The following SOX6 variants were observed in gnomAD, a reference collection of about 807,000 sequenced individuals.
SOX6 encodes the protein transcription factor SOX-6.
A neutral mutation model predicts 97.8 loss-of-function variants in SOX6; 11 were observed. The observed-to-expected ratio is 0.11, with a 90% CI of 0.07 to 0.19. The LOEUF is 0.19. SOX6 is among the 10% of genes least tolerant of loss of function. The probability of loss-of-function intolerance (pLI) is 1.00; values close to 1 mark genes in which losing one functional copy is unlikely to be tolerated. For synonymous variants in SOX6, 360 were observed against 371.4 expected, an observed-to-expected ratio of 0.97 and a Z score of 0.35; for missense variants, 810 against 1,039.5, an observed-to-expected ratio of 0.78 and a Z score of 3.04.
intron 1 of SOX6, among the ~76,000 whole-genome samples, chr11:16,415,557 G>A (rs1026700836): frequency 6.6e-6 from 1 of 152,032 alleles, no homozygotes; most frequent in African/African-American, 2.4e-5. Flanking sequence ...AAGACAGCAT[G>A]ATTTTGAATG....
Position 16,234,656 on chromosome 11 carries a change from T to G in SOX6, c.461A>C (p.Glu154Ala), listed in dbSNP as rs745796442. 2 of 1,584,666 alleles carry G rather than the reference T, an allele frequency of 1.3e-6. No homozygotes were observed. Among genetic ancestry groups the G allele is most frequent in the South Asian group, 1.1e-5 (1 of 88,962 alleles). The change falls in exon 4 of 16, where the codon GAA becomes GCA. Residue 154 changes from glutamate to alanine, a missense_variant. Around this residue, in one of 9 missense-constraint regions of SOX6, gnomAD observed 110 missense variants for 119.0 expected, o/e 0.92. Coordinates refer to ENST00000683767, the MANE Select transcript of SOX6 (RefSeq NM_001367873.1). The stretch of plus-strand genomic sequence containing the variant: ...CTTCCAATCTTTTGAAAGTAGTTTT[T>G]CCATGCAGGAGGAATCTATTAAAAT... ...RTEQEDSSCM[E>A]KLLSKDWKEK...
intron 9 of SOX6, among the ~76,000 whole-genome samples, chr11:16,063,460 G>A (rs1172654647): frequency 7.6e-6 from 1 of 131,324 alleles, no homozygotes; most frequent in African/African-American, 2.8e-5. Context: ...AAATTATAAT[G>A]GGTGGTGTCA....
At chr11:16,286,669 A>G (rs1341711687) in intron 3 of SOX6, among the ~76,000 whole-genome samples, 2 of 152,078 alleles carry the variant, frequency 1.3e-5, no homozygotes, top group African/African-American at 4.8e-5. Context: ...TGCTTTTACC[A>G]TTCTCTTCTA....
At chr11:16,560,359 G>A (rs1328970567) in intron 4 of SOX6, among the ~76,000 whole-genome samples, 3 of 152,102 alleles carry the variant, frequency 2.0e-5, no homozygotes, top group Non-Finnish European at 2.9e-5. Context: ...CTAGCATTAT[G>A]CCTAAAATGT....
At chr11:16,674,607 C>A (rs1489501438) in intron 3 of SOX6, among the ~76,000 whole-genome samples, 2 of 152,062 alleles carry the variant, frequency 1.3e-5, no homozygotes, top group Non-Finnish European at 2.9e-5. Context: ...GTAGCTCACA[C>A]ATGTAATCCC....
chr11:16,584,205 G>A (rs997025918), intron 4 of SOX6, among the ~76,000 whole-genome samples: 4 of 152,120 alleles, frequency 2.6e-5, no homozygotes, highest in African/African-American at 9.7e-5. Context: ...CCCTATTGTT[G>A]ATCCCTTAGC....
intron 4 of SOX6, among the ~76,000 whole-genome samples, chr11:16,204,205 C>A (rs1482185578): frequency 2.0e-5 from 3 of 151,936 alleles, no homozygotes; most frequent in African/African-American, 7.2e-5. Flanking sequence ...CATGATTGAC[C>A]CAAAATTTAA....
chr11:16,596,620 C>T (rs914761711), intron 4 of SOX6, among the ~76,000 whole-genome samples: 1 of 152,204 alleles, frequency 6.6e-6, no homozygotes, highest in Non-Finnish European at 1.5e-5. Context: ...TTATACATAA[C>T]GCCATGACAG....
intron 3 of SOX6, among the ~76,000 whole-genome samples, chr11:16,656,490 C>T (rs2134016809): frequency 6.6e-6 from 1 of 152,244 alleles, no homozygotes; most frequent in East Asian, 1.9e-4. Context: ...AAGCTAACTC[C>T]TTGGTTAAGC....
chr11:16,498,948 A>G (rs564021732), intron 4 of SOX6, among the ~76,000 whole-genome samples: 3 of 152,204 alleles, frequency 2.0e-5, no homozygotes, highest in Non-Finnish European at 4.4e-5. Flanking sequence ...TCAGCTCTGC[A>G]CCAAGCAGAC....
At chr11:16,132,405 G>GAAAGAAAA (rs1564972376) in intron 6 of SOX6, among the ~76,000 whole-genome samples, 1 of 47,608 alleles carries the variant, frequency 2.1e-5, no homozygotes, top group African/African-American at 9.5e-5. Context: ...AAAGAAAAAA[G>GAAAGAAAA]AAAGAAAGAA....
chr11:16,666,854 A>G (rs1396706011), intron 3 of SOX6, among the ~76,000 whole-genome samples: 1 of 152,158 alleles, frequency 6.6e-6, no homozygotes, highest in East Asian at 1.9e-4. Flanking sequence ...AAGCATGCCT[A>G]TGAGATCTAG....
At chr11:16,361,576 C>T (rs1252794322) in intron 1 of SOX6, among the ~76,000 whole-genome samples, 1 of 152,144 alleles carries the variant, frequency 6.6e-6, no homozygotes, top group Non-Finnish European at 1.5e-5. Context: ...AACTTCCACT[C>T]AATACACCAA....
chr11:16,522,161 T>A (rs925236789), intron 4 of SOX6, among the ~76,000 whole-genome samples: 3 of 151,802 alleles, frequency 2.0e-5, no homozygotes, highest in Non-Finnish European at 4.4e-5. Context: ...GAAGAGCAAC[T>A]CCAAGACACA....
intron 6 of SOX6, among the ~76,000 whole-genome samples, chr11:16,134,290 T>C (rs930020782): frequency 2.0e-5 from 3 of 152,196 alleles, no homozygotes; most frequent in East Asian, 3.8e-4. Context: ...CATTGTTCCA[T>C]ATTGCCTAAT....
chr11:16,380,906 T>C (rs1024925135), intron 1 of SOX6, among the ~76,000 whole-genome samples: 2 of 152,118 alleles, frequency 1.3e-5, no homozygotes, highest in African/African-American at 4.8e-5. Flanking sequence ...TAATTGGCAG[T>C]GTGGCATTGC....
intron 2 of SOX6, among the ~76,000 whole-genome samples, chr11:16,326,378 T>A: frequency 6.6e-6 from 1 of 152,074 alleles, no homozygotes; most frequent in East Asian, 1.9e-4. Flanking sequence ...ATCTTCACTT[T>A]CAGCAGGAAA....
At chr11:16,524,432 T>G (rs1253445823) in intron 4 of SOX6, among the ~76,000 whole-genome samples, 2 of 152,140 alleles carry the variant, frequency 1.3e-5, no homozygotes, top group Non-Finnish European at 2.9e-5. Flanking sequence ...TCAACAACCC[T>G]TCATGCTAAT....
intron 1 of SOX6, among the ~76,000 whole-genome samples, chr11:16,410,029 G>T (rs1858768664): frequency 6.6e-6 from 1 of 152,122 alleles, no homozygotes; most frequent in Non-Finnish European, 1.5e-5. Flanking sequence ...GAGGAATAGG[G>T]AGATGTTGGT....
Sources: gnomAD v4.1 joint callset for allele counts (sites outside exome capture counted in the v4.1 genomes callset) on GRCh38, gnomAD v4.1.1 for gene constraint, gnomAD v4.1.1 regional missense constraint, MANE v1.5 for transcripts, NCBI Gene and HGNC (gene_info 2026-07-23, HGNC 2026-07-21) for gene names.